SLC24A2: variants seen among roughly 807,000 people sequenced by gnomAD.
SLC24A2 encodes the protein sodium/potassium/calcium exchanger 2.
In SLC24A2, 36 loss-of-function variants were observed where a neutral mutation model predicts 62.0. That is an observed-to-expected ratio of 0.58 (90% CI 0.44 to 0.77). The LOEUF is 0.77. Ranked by LOEUF, SLC24A2 falls within the 30% of genes least tolerant of loss-of-function variation. The pLI is 0.00. For synonymous variants in SLC24A2, 358 were observed against 294.0 expected (o/e 1.22, Z -2.23); for missense variants, 846 against 817.9 (o/e 1.03, Z -0.42).
At chr9:19,547,533 G>A (rs1267994771) in intron 8 of SLC24A2, among the ~76,000 whole-genome samples, 1 of 147,528 alleles carries the variant, frequency 6.8e-6, no homozygotes, top group Non-Finnish European at 1.5e-5. Context: ...CTTCTTTGAC[G>A]TTTCAACTAG....
chr9:20,017,600 G>A, the SLC24A2 span, among the ~76,000 whole-genome samples: 1 of 152,132 alleles, frequency 6.6e-6, no homozygotes, highest in Non-Finnish European at 1.5e-5. Flanking sequence ...TGAGGAGCAA[G>A]GAAGCCAGTG....
At chr9:19,792,348 C>A (rs1177948933), upstream of SLC24A2, among the ~76,000 whole-genome samples, 2 of 151,714 alleles carry the variant, frequency 1.3e-5, no homozygotes, top group Non-Finnish European at 2.9e-5. Flanking sequence ...GACATTCAGT[C>A]TCAAGGGAAA....
At chr9:19,972,981 A>T in the SLC24A2 span, among the ~76,000 whole-genome samples, 1 of 152,252 alleles carries the variant, frequency 6.6e-6, no homozygotes, top group East Asian at 1.9e-4. Context: ...TGGGAAGAGG[A>T]TGATGGGATC....
chr9:19,812,142 G>A, the SLC24A2 span, among the ~76,000 whole-genome samples: 2 of 151,954 alleles, frequency 1.3e-5, no homozygotes, highest in East Asian at 3.9e-4. Flanking sequence ...CCATTTAATT[G>A]TTGTTATTGT....
chr9:19,953,259 TCTC>T, the SLC24A2 span, among the ~76,000 whole-genome samples: 5 of 152,062 alleles, frequency 3.3e-5, no homozygotes, highest in East Asian at 7.7e-4. Flanking sequence ...TGATATTCCT[TCTC>T]CTGCACAGCT....
the SLC24A2 span, among the ~76,000 whole-genome samples, chr9:19,795,948 A>G: frequency 1.4e-5 from 2 of 147,074 alleles, no homozygotes; most frequent in African/African-American, 4.9e-5. Flanking sequence ...CCATAAAAAA[A>G]TGATGAGTTC....
At chr9:19,764,217 G>A (rs987532446) in intron 2 of SLC24A2, among the ~76,000 whole-genome samples, 17 of 151,944 alleles carry the variant, frequency 1.1e-4, no homozygotes, top group African/African-American at 4.1e-4. Context: ...TTCTTTATTA[G>A]TCTGGCTAGC....
chr9:20,219,501 G>T, the SLC24A2 span, among the ~76,000 whole-genome samples: 4 of 152,126 alleles, frequency 2.6e-5, no homozygotes, highest in African/African-American at 7.2e-5. Flanking sequence ...AAATGTCCTC[G>T]GTTGAATGGA....
At chr9:19,914,427 T>A in the SLC24A2 span, among the ~76,000 whole-genome samples, 2 of 152,110 alleles carry the variant, frequency 1.3e-5, no homozygotes, top group Non-Finnish European at 2.9e-5. Context: ...TCAATTGCTC[T>A]CTCCCACAAC....
At chr9:20,093,542 C>T in the SLC24A2 span, among the ~76,000 whole-genome samples, 1 of 152,080 alleles carries the variant, frequency 6.6e-6, no homozygotes, top group African/African-American at 2.4e-5. Context: ...TGTAAGACTT[C>T]TTGGGTCATA....
the SLC24A2 span, among the ~76,000 whole-genome samples, chr9:20,162,454 A>C: frequency 1.6e-4 from 25 of 151,888 alleles, no homozygotes; most frequent in Non-Finnish European, 3.2e-4. Context: ...TCTGAATAGA[A>C]CAATAACAGG....
chr9:19,541,507 T>G (rs1434338158), intron 8 of SLC24A2, among the ~76,000 whole-genome samples: 1 of 146,342 alleles, frequency 6.8e-6, no homozygotes, highest in Non-Finnish European at 1.5e-5. Flanking sequence ...TGCCTCCCAG[T>G]TAGGCTGCTC....
the SLC24A2 span, among the ~76,000 whole-genome samples, chr9:20,081,072 AT>A: frequency 6.6e-6 from 1 of 152,210 alleles, no homozygotes; most frequent in African/African-American, 2.4e-5. Flanking sequence ...CAGTGTGGCG[AT>A]TCCTCAGGGA....
the SLC24A2 span, among the ~76,000 whole-genome samples, chr9:20,295,666 T>G: frequency 6.6e-6 from 1 of 152,196 alleles, no homozygotes; most frequent in African/African-American, 2.4e-5. Flanking sequence ...TTCTGCTGCT[T>G]TGGACATCAG....
At chr9:19,876,334 G>T in the SLC24A2 span, among the ~76,000 whole-genome samples, 4 of 151,354 alleles carry the variant, frequency 2.6e-5, no homozygotes, top group African/African-American at 9.7e-5. Flanking sequence ...TCAACATATG[G>T]ATTGACATTA....
chr9:20,225,691 T>G, the SLC24A2 span, among the ~76,000 whole-genome samples: 1 of 148,554 alleles, frequency 6.7e-6, no homozygotes, highest in East Asian at 2.0e-4. Context: ...ATTTGTTTCC[T>G]CCTTTTTGAC....
At chr9:19,536,312 T>C (rs1268029584) in intron 8 of SLC24A2, among the ~76,000 whole-genome samples, 2 of 150,266 alleles carry the variant, frequency 1.3e-5, no homozygotes, top group Admixed American at 1.3e-4. Context: ...TAACGTGTCA[T>C]CTGTCATTAG....
rs187400212 is a variant in SLC24A2, at chr9:19,776,604, T to C, written c.930+9333A>G. On this transcript the variant is annotated intron_variant, in intron 2 of 10. Coordinates refer to ENST00000341998, the MANE Select transcript of SLC24A2 (RefSeq NM_020344.4). ...GTAAACTTTATATGACTTTTTCCCATGCACGTTGTTCTTCCATCTGTCTGG... is the reference window on the plus strand; with the variant it reads ...GTAAACTTTATATGACTTTTTCCCACGCACGTTGTTCTTCCATCTGTCTGG... Among the ~76,000 whole-genome samples, 268 of 152,310 alleles carry C rather than the reference T, an allele frequency of 1.8e-3. 1 individual carries two copies. The highest frequency in any genetic ancestry group is 6.1e-3 in the African/African-American group (253 of 41,574).
chr9:20,054,769 T>C, the SLC24A2 span, among the ~76,000 whole-genome samples: 3 of 152,200 alleles, frequency 2.0e-5, no homozygotes. Context: ...CCAAGACTAA[T>C]ACAACTCTAA....
Sources: gnomAD v4.1 joint callset for allele counts (sites outside exome capture counted in the v4.1 genomes callset) on GRCh38, gnomAD v4.1.1 for gene constraint, MANE v1.5 for transcripts, NCBI Gene and HGNC (gene_info 2026-07-23, HGNC 2026-07-21) for gene names.